JAK2: variants seen among roughly 807,000 people sequenced by gnomAD.
The protein encoded by JAK2 is Janus kinase 2, also known as tyrosine-protein kinase JAK2.
A neutral mutation model predicts 139.3 loss-of-function variants in JAK2; 86 were observed. The observed-to-expected ratio is 0.62, with a 90% CI of 0.52 to 0.74. The LOEUF is 0.74. Ranked by LOEUF, JAK2 falls within the 30% of genes least tolerant of loss-of-function variation. The pLI, the probability that JAK2 is intolerant of heterozygous loss-of-function variation, is 0.00. For missense variants in JAK2, 1,421 were observed against 1,360.3 expected, an observed-to-expected ratio of 1.04 and a Z score of -0.70; for synonymous variants, 490 against 437.7, an observed-to-expected ratio of 1.12 and a Z score of -1.49.
At chr9:5,058,980 T>A (rs1434993633) in intron 8 of JAK2, among the ~76,000 whole-genome samples, 1 of 152,228 alleles carries the variant, frequency 6.6e-6, no homozygotes, top group Non-Finnish European at 1.5e-5. Context: ...TTCCATAGAT[T>A]GCTTTTCACT....
intron 4 of JAK2, among the ~76,000 whole-genome samples, chr9:5,035,017 A>G (rs972761679): frequency 6.6e-6 from 1 of 152,190 alleles, no homozygotes; most frequent in African/African-American, 2.4e-5. Flanking sequence ...AGAGAGAAGA[A>G]TCAAATACAT....
chr9:5,041,781 C>T (rs959993772), intron 4 of JAK2: 8 of 487,590 alleles, frequency 1.6e-5, no homozygotes, highest in African/African-American at 1.6e-4. Flanking sequence ...CTCCCAGCCT[C>T]AGCTTCGGGA....
intron 9 of JAK2, 133 bp downstream of exon 9, chr9:5,065,173 T>A: frequency 2.1e-6 from 1 of 475,328 alleles, no homozygotes; most frequent in Non-Finnish European, 3.6e-6. Context: ...AAAGGCTATT[T>A]GCAATCAGAT....
intron 2 of JAK2, among the ~76,000 whole-genome samples, chr9:5,018,319 CT>C (rs1228965469): frequency 1.3e-5 from 2 of 151,944 alleles, no homozygotes; most frequent in East Asian, 3.9e-4. Context: ...AGTAATTGTC[CT>C]TTTTGTTTGT....
intron 2 of JAK2, among the ~76,000 whole-genome samples, chr9:4,992,877 C>G (rs12339580): frequency 0.061 from 9,334 of 152,272 alleles, 763 homozygotes; most frequent in African/African-American, 0.19. Flanking sequence ...GATTAGGTCT[C>G]AGTCCTGCTT....
chr9:5,041,966 C>T (rs1200490119), intron 4 of JAK2: 2 of 374,008 alleles, frequency 5.3e-6, no homozygotes, highest in Non-Finnish European at 5.2e-6. Flanking sequence ...CGTGCGGCCC[C>T]TTGGGGAGCG....
At chr9:5,114,569 CT>C (rs2130817646) in intron 22 of JAK2, 7 of 491,112 alleles carry the variant, frequency 1.4e-5, no homozygotes, top group South Asian at 9.4e-5. Flanking sequence ...TGATCCAGAA[CT>C]TCTGGCCCAA....
At chr9:5,049,305 C>T (rs11791507) in intron 5 of JAK2, among the ~76,000 whole-genome samples, 3,630 of 152,298 alleles carry the variant, frequency 0.024, 82 homozygotes, top group Non-Finnish European at 0.039. Context: ...AGGGTACCTG[C>T]AGTCGGACCC....
rs143067543 is a variant in JAK2 at position 4,998,037 on chromosome 9, T to A, written c.-26+12015T>A. On this transcript the variant is annotated intron_variant, in intron 2 of 24. Coordinates refer to ENST00000381652, the MANE Select transcript of JAK2 (RefSeq NM_004972.4). ...TTTAAAAATCATTATGAGCTTAAAT[T>A]CATACTGATTTAAACAACTTCTAGA... Among the ~76,000 whole-genome samples, 394 of 152,320 alleles carry A rather than the reference T, an allele frequency of 2.6e-3. 1 individual carries two copies. Among genetic ancestry groups the A allele is most frequent in the Middle Eastern group, 6.8e-3 (2 of 294 alleles).
chr9:5,047,062 C>T (rs1363833168), intron 5 of JAK2, among the ~76,000 whole-genome samples: 1 of 151,984 alleles, frequency 6.6e-6, no homozygotes, highest in South Asian at 2.1e-4. Flanking sequence ...AAGGTAATTC[C>T]ACCATATAAT....
intron 23 of JAK2, chr9:5,125,959 AT>A (rs1381408221): frequency 6.5e-6 from 1 of 154,636 alleles, no homozygotes; most frequent in African/African-American, 2.4e-5. Context: ...TGTTGTATTT[AT>A]GCTTATTCAT....
intron 22 of JAK2, among the ~76,000 whole-genome samples, chr9:5,102,519 T>G (rs984618542): frequency 6.6e-6 from 1 of 152,104 alleles, no homozygotes; most frequent in Non-Finnish European, 1.5e-5. Flanking sequence ...AGGCCAACAT[T>G]CAAATTCAGG....
intron 4 of JAK2, among the ~76,000 whole-genome samples, chr9:5,032,603 T>A (rs958370532): frequency 2.0e-5 from 3 of 152,360 alleles, no homozygotes; most frequent in African/African-American, 7.2e-5. Flanking sequence ...TCCGCTGTTC[T>A]GCAGCCACTG....
intron 2 of JAK2, among the ~76,000 whole-genome samples, chr9:5,006,705 A>G (rs1297613457): frequency 1.3e-5 from 2 of 152,222 alleles, no homozygotes; most frequent in African/African-American, 2.4e-5. Flanking sequence ...ACTCACTATC[A>G]TGAGACTAGC....
Position 5,054,908 on chromosome 9 carries a change from G to C in JAK2, c.936+24G>C, listed in dbSNP as rs747420419. 41 of 1,478,604 alleles carry C rather than the reference G, an allele frequency of 2.8e-5. No homozygotes were observed. The highest frequency in any genetic ancestry group is 3.6e-5 in the Non-Finnish European group (39 of 1,088,136). 91.6% of individuals were successfully genotyped at this position (1,478,604 alleles called of 1,614,324 possible). On this transcript the variant is annotated intron_variant, in intron 7 of 24. Coordinates refer to ENST00000381652, the MANE Select transcript of JAK2 (RefSeq NM_004972.4). This position sits in a 1 kb window ranked among gnomAD's most constrained non-coding sequence, Gnocchi z 4.9. ...AGGTAATCCTTAATGATATGTTCTT[G>C]TTCTTTGTTATTTTAAGTACAATGG...
chr9:5,026,450 T>G (rs1822789017), intron 3 of JAK2, among the ~76,000 whole-genome samples: 1 of 152,214 alleles, frequency 6.6e-6, no homozygotes, highest in Non-Finnish European at 1.5e-5. Flanking sequence ...TGTTAATAAT[T>G]TAAATTAAGA....
chr9:5,077,972 G>A (rs1161674111), intron 15 of JAK2, among the ~76,000 whole-genome samples: 4 of 152,032 alleles, frequency 2.6e-5, no homozygotes, highest in African/African-American at 4.8e-5. Flanking sequence ...GACCCCTCAG[G>A]GTGCACCTAT....
At chr9:5,108,364 A>G (rs2130783359) in intron 22 of JAK2, 1 of 152,130 alleles carries the variant, frequency 6.6e-6, no homozygotes, top group South Asian at 2.1e-4. Context: ...GCAAGCTCAT[A>G]TTTCCTATTG....
chr9:5,109,161 C>T (rs1011090575), intron 22 of JAK2: 5 of 152,168 alleles, frequency 3.3e-5, no homozygotes, highest in Non-Finnish European at 5.9e-5. Flanking sequence ...AATCACAACA[C>T]AATGAGGGAC....
Sources: allele counts gnomAD v4.1 joint callset (sites outside exome capture counted in the v4.1 genomes callset), GRCh38; gene constraint gnomAD v4.1.1; non-coding constraint Gnocchi (gnomAD v3.1); transcripts MANE v1.5; gene names NCBI Gene and HGNC (gene_info 2026-07-23, HGNC 2026-07-21).